Variants in SLC38A10 observed in about 807,000 individuals in gnomAD.
The protein encoded by SLC38A10 is solute carrier family 38 member 10, also known as Sodium-coupled neutral amino acid transporter 10.
A neutral mutation model predicts 81.0 loss-of-function variants in SLC38A10; 53 were observed. That is an observed-to-expected ratio of 0.65 (90% CI 0.53 to 0.82). The LOEUF is 0.82. Ranked by LOEUF, SLC38A10 falls within the 40% of genes least tolerant of loss-of-function variation. The probability of loss-of-function intolerance (pLI) is 0.00; values close to 1 mark genes in which losing one functional copy is unlikely to be tolerated. For missense variants in SLC38A10, 1,471 were observed against 1,545.0 expected (o/e 0.95, Z 0.80); for synonymous variants, 665 against 655.3 (o/e 1.01, Z -0.23).
In SLC38A10 at chr17:81,286,858, T is replaced by C. The variant is rs2063271670; in HGVS notation, c.218-1963A>G. On this transcript the variant is annotated intron_variant, in intron 2 of 15. Transcript: ENST00000374759. This position sits in a 1 kb window ranked among gnomAD's most constrained non-coding sequence, Gnocchi z 6.0. ...CGCGTGGGGGCCAAACAGTCCCTGC[T>C]GCTGGGGGAGGCGGTTTCTAGCCCA... is the stretch of plus-strand genomic sequence containing the variant. 6.6e-6 allele frequency among the ~76,000 whole-genome samples: 1 copy of C among 151,982 alleles called. No individual in the cohort carries two copies. The highest frequency in any genetic ancestry group is 6.6e-5 in the Admixed American group (1 of 15,256).
intron 10 of SLC38A10, among the ~76,000 whole-genome samples, chr17:81,260,877 G>T (rs539283876): frequency 5.9e-5 from 9 of 152,250 alleles, no homozygotes; most frequent in African/African-American, 1.9e-4. Context: ...AGACTTGAGC[G>T]TCCCCGTCCA....
chr17:81,271,107 G>T, intron 9 of SLC38A10, 83 bp from the exon 10 acceptor site: 1 of 1,130,168 alleles, frequency 8.8e-7, no homozygotes, highest in Admixed American at 2.0e-5. Flanking sequence ...CTGCACACGG[G>T]TGAGCAAGCC....
At position 81,253,028 on chromosome 17, in the gene SLC38A10, C is replaced by T. The variant is rs770117837; in HGVS notation, c.1456+45G>A. On this transcript the variant is annotated intron_variant, in intron 12 of 15. Coordinates refer to ENST00000374759, the MANE Select transcript of SLC38A10 (RefSeq NM_001037984.3). The surrounding 1 kb of genome is among the most constrained non-coding windows in gnomAD (Gnocchi z 4.1). ...GGTGTCCAGCCTGCAAAGGAGGACC[C>T]GGGGCCGCCCTTCCCCATCCGCACC... 13 of 1,596,882 alleles carry T rather than the reference C, an allele frequency of 8.1e-6. No homozygotes were observed. The African/African-American group carries it at 1.2e-4, about 15-fold the overall frequency.
At chr17:81,282,060 T>C in intron 5 of SLC38A10, 129 bp downstream of exon 5, 3 of 1,338,044 alleles carry the variant, frequency 2.2e-6, no homozygotes, top group Non-Finnish European at 3.2e-6. Context: ...TACATCCTGC[T>C]ACTTCCAACA....
intron 11 of SLC38A10, among the ~76,000 whole-genome samples, chr17:81,259,039 G>A (rs1326145691): frequency 1.3e-5 from 2 of 152,382 alleles, no homozygotes; most frequent in East Asian, 3.9e-4. Context: ...CAGTTTGTAT[G>A]AGGTGACAAC....
chr17:81,246,762 T>C, intron 15 of SLC38A10, 89 bp from the exon 16 acceptor site: 1 of 1,499,470 alleles, frequency 6.7e-7, no homozygotes, highest in Admixed American at 2.3e-5. Flanking sequence ...ACAACAGCAT[T>C]GGGAACCAAA....
In SLC38A10 at chr17:81,265,035, C is replaced by T. The variant is rs2063058252; in HGVS notation, c.1132-4641G>A. 6.6e-6 allele frequency: 1 copy of T among 152,278 alleles called. No individual in the cohort carries two copies. Among genetic ancestry groups the T allele is most frequent in the Admixed American group, 6.5e-5 (1 of 15,286 alleles). The allele number at this position is 152,278 out of a possible 1,614,324, so 9.4% of individuals were successfully genotyped here. On this transcript the variant is annotated intron_variant, in intron 10 of 15. Coordinates refer to ENST00000374759, the MANE Select transcript of SLC38A10 (RefSeq NM_001037984.3). This position sits in a 1 kb window ranked among gnomAD's most constrained non-coding sequence, Gnocchi z 4.2. ...GGTTCCAGGGCAGCAGGACCAAAGCCCCAGCCTCACTCAGGACTGGAGAGA... is the reference window on the plus strand; with the variant it reads ...GGTTCCAGGGCAGCAGGACCAAAGCTCCAGCCTCACTCAGGACTGGAGAGA...
intron 14 of SLC38A10, 98 bp from the exon 15 acceptor site, chr17:81,247,159 C>G (rs1335734427): frequency 3.1e-6 from 4 of 1,293,748 alleles, no homozygotes; most frequent in Non-Finnish European, 4.1e-6. Flanking sequence ...GCACAGGTCA[C>G]CTGCAGGGAG....
intron 10 of SLC38A10, among the ~76,000 whole-genome samples, chr17:81,267,743 A>T (rs1410541601): frequency 6.6e-6 from 1 of 152,062 alleles, no homozygotes; most frequent in African/African-American, 2.4e-5. Flanking sequence ...AAAACAATAA[A>T]AACACCCAAC....
Position 81,276,027 on chromosome 17 carries a change from A to G in SLC38A10, c.854T>C (p.Phe285Ser). 1.2e-6 allele frequency: 2 copies of G among 1,613,798 alleles called. No individual in the cohort carries two copies. Among genetic ancestry groups the G allele is most frequent in the Non-Finnish European group, 1.7e-6 (2 of 1,180,016 alleles). The change falls in exon 8 of 16, where the codon TTC (phenylalanine) becomes TCC (serine). Residue 285 changes from phenylalanine to serine, a missense_variant. Phe to Ser is a radical substitution (Grantham distance 155). Around this residue, in one of 2 missense-constraint regions of SLC38A10, gnomAD observed 720 missense variants for 827.7 expected, o/e 0.87. Coordinates refer to ENST00000374759, the MANE Select transcript of SLC38A10 (RefSeq NM_001037984.3). The surrounding 1 kb of genome is among the most constrained non-coding windows in gnomAD (Gnocchi z 4.7). ...VGFMMSVAVG[F>S]PMMILPCRQA... The stretch of plus-strand genomic sequence containing the variant: ...CCTGCATGGCAGGATCATCATGGGG[A>G]AGCCCACAGCCACTGACATCATGAA...
rs59820101 is a variant in SLC38A10 at position 81,245,652 on chromosome 17, G to C, written c.3264C>G (p.Ala1088=). 31,238 of 1,612,152 alleles carry C rather than the reference G, an allele frequency of 0.019. 914 individuals are homozygous for C. The highest frequency in any genetic ancestry group is 0.14 in the African/African-American group (10,547 of 75,022). The change falls in exon 16 of 16, where the codon GCC becomes GCG. Residue 1088 remains alanine (A), a synonymous_variant. Coordinates refer to ENST00000374759, the MANE Select transcript of SLC38A10 (RefSeq NM_001037984.3). ...PDVQVNDLRG[A]LDAQLRQAAG... is the part of the protein sequence containing the mutation. ...CAGCCTGGCGGAGCTGGGCATCCAG[G>C]GCGCCACGGAGGTCGTTCACCTGGA...
chr17:81,256,344 A>G (rs2146897761), intron 11 of SLC38A10, among the ~76,000 whole-genome samples: 1 of 152,300 alleles, frequency 6.6e-6, no homozygotes, highest in East Asian at 1.9e-4. Context: ...CCAACCCCAC[A>G]TTCAAGGCTG....
intron 1 of SLC38A10, among the ~76,000 whole-genome samples, chr17:81,290,251 A>G (rs544976000): frequency 6.6e-6 from 1 of 152,284 alleles, no homozygotes; most frequent in East Asian, 1.9e-4. Flanking sequence ...GATTAACTGC[A>G]CCCCTAGGTA....
At chr17:81,256,415 C>T (rs1055098519) in intron 11 of SLC38A10, among the ~76,000 whole-genome samples, 3 of 152,218 alleles carry the variant, frequency 2.0e-5, no homozygotes, top group East Asian at 1.9e-4. Flanking sequence ...CGCTGCCGTC[C>T]GGACCCCAAG....
At chr17:81,268,422 G>C in intron 10 of SLC38A10, among the ~76,000 whole-genome samples, 1 of 139,612 alleles carries the variant, frequency 7.2e-6, no homozygotes, top group East Asian at 2.1e-4. Context: ...TTTTTTTTTT[G>C]AGACGGAGTC....
At chr17:81,262,667 G>T (rs1163278699) in intron 10 of SLC38A10, among the ~76,000 whole-genome samples, 1 of 152,334 alleles carries the variant, frequency 6.6e-6, no homozygotes, top group East Asian at 1.9e-4. Context: ...CTTTGCCACC[G>T]GCTGGTCAGG....
intron 5 of SLC38A10, among the ~76,000 whole-genome samples, chr17:81,280,994 G>A (rs2063207341): frequency 6.6e-6 from 1 of 152,246 alleles, no homozygotes; most frequent in African/African-American, 2.4e-5. Flanking sequence ...AGCTGCTCTT[G>A]CAAGGGGGCT....
In SLC38A10 at chr17:81,286,803, A is replaced by G. The variant is rs1255022518; in HGVS notation, c.218-1908T>C. 6.6e-6 allele frequency among the ~76,000 whole-genome samples: 1 copy of G among 152,156 alleles called. No homozygotes were observed. Among genetic ancestry groups the G allele is most frequent in the Non-Finnish European group, 1.5e-5 (1 of 68,038 alleles). Reference sequence around the variant, plus strand: ...AAAGGACGCGGGCAGCACTCCTGACACCGCTGCTCACAACCGAGAACTCAG... The same window carrying G: ...AAAGGACGCGGGCAGCACTCCTGACGCCGCTGCTCACAACCGAGAACTCAG... On this transcript the variant is annotated intron_variant, in intron 2 of 15. Transcript: ENST00000374759. This position sits in a 1 kb window ranked among gnomAD's most constrained non-coding sequence, Gnocchi z 6.0.
At chr17:81,249,933 C>T (rs986651444) in intron 14 of SLC38A10, 50 of 661,768 alleles carry the variant, frequency 7.6e-5, no homozygotes, top group Non-Finnish European at 1.0e-4. Context: ...AGCCTGGGTG[C>T]GTGCGCAGGT....
Sources: gnomAD v4.1 joint callset for allele counts (sites outside exome capture counted in the v4.1 genomes callset) on GRCh38, gnomAD v4.1.1 for gene constraint, gnomAD v4.1.1 regional missense constraint, Gnocchi (gnomAD v3.1) non-coding constraint, MANE v1.5 for transcripts, NCBI Gene and HGNC (gene_info 2026-07-23, HGNC 2026-07-21) for gene names.